KCNQ4: variants seen among roughly 807,000 people sequenced by gnomAD.
KCNQ4 encodes potassium voltage-gated channel subfamily Q member 4, also known as potassium voltage-gated channel subfamily KQT member 4.
A neutral mutation model predicts 72.6 loss-of-function variants in KCNQ4; 31 were observed. The observed-to-expected ratio is 0.43, with a 90% CI of 0.32 to 0.58. KCNQ4 has a LOEUF of 0.58. Among genes scored for constraint, KCNQ4 ranks in the 20% least tolerant of loss-of-function variants. The probability of loss-of-function intolerance (pLI) is 0.08; values close to 1 mark genes in which losing one functional copy is unlikely to be tolerated. For missense variants in KCNQ4, 869 were observed against 962.6 expected (o/e 0.90, Z 1.29); for synonymous variants, 405 against 403.7 (o/e 1.00, Z -0.04).
In KCNQ4 at chr1:40,822,391, C is replaced by T. The variant is rs772355951; in HGVS notation, c.1119C>T (p.Leu373=). ...CCTGGTACTACTATGACAGTATCCT[C>T]CCATCCTTCAGGTAGGTCCTGCTGG... The part of the protein sequence containing the change: ...TATWYYYDSI[L]PSFRELALLF... The change falls in exon 8 of 14, where the codon CTC becomes CTT. Residue 373 remains leucine, a synonymous_variant. Coordinates refer to ENST00000347132, the MANE Select transcript of KCNQ4 (RefSeq NM_004700.4). 1 of 1,604,474 alleles carries T rather than the reference C, an allele frequency of 6.2e-7. No individual in the cohort carries two copies. The highest frequency in any genetic ancestry group is 1.1e-5 in the South Asian group (1 of 90,800).
At chr1:40,806,817 A>G (rs1266600181) in intron 1 of KCNQ4, among the ~76,000 whole-genome samples, 1 of 152,184 alleles carries the variant, frequency 6.6e-6, no homozygotes, top group Non-Finnish European at 1.5e-5. Context: ...ACCTCTGCCA[A>G]CTTTCCTCTG....
intron 4 of KCNQ4, 101 bp downstream of exon 4, chr1:40,818,781 CT>C (rs1361447012): frequency 3.4e-5 from 45 of 1,343,182 alleles, no homozygotes; most frequent in Non-Finnish European, 4.5e-5. Context: ...TGTCTCCGTG[CT>C]GGGAAGGGGT....
intron 1 of KCNQ4, among the ~76,000 whole-genome samples, chr1:40,793,590 T>G (rs1383003059): frequency 1.3e-5 from 2 of 152,168 alleles, no homozygotes; most frequent in Non-Finnish European, 2.9e-5. Context: ...CCTCCAAACC[T>G]GCCCTCCTTC....
chr1:40,804,495 A>G (rs1178728564), intron 1 of KCNQ4, among the ~76,000 whole-genome samples: 1 of 152,138 alleles, frequency 6.6e-6, no homozygotes, highest in Non-Finnish European at 1.5e-5. Flanking sequence ...ATCTGGTCAT[A>G]TCTTGCCACT....
intron 9 of KCNQ4, among the ~76,000 whole-genome samples, chr1:40,828,873 T>G (rs1364759815): frequency 6.6e-6 from 1 of 152,236 alleles, no homozygotes; most frequent in African/African-American, 2.4e-5. Context: ...AAACAGTGCC[T>G]TCTTGCATTA....
chr1:40,831,819 T>C (rs1648659059), intron 10 of KCNQ4, among the ~76,000 whole-genome samples: 1 of 152,226 alleles, frequency 6.6e-6, no homozygotes, highest in Non-Finnish European at 1.5e-5. Flanking sequence ...GACTATGCAC[T>C]GCCCAGCACT....
intron 7 of KCNQ4, among the ~76,000 whole-genome samples, chr1:40,820,509 A>C (rs1273618814): frequency 6.6e-6 from 1 of 151,916 alleles, no homozygotes; most frequent in Non-Finnish European, 1.5e-5. Flanking sequence ...CTATTGCCCA[A>C]CTCCAGCCCA....
chr1:40,835,000 C>T lies in KCNQ4; in HGVS notation c.1647C>T (p.Phe549=), dbSNP rs1362729181. Reference sequence around the variant, plus strand: ...AGTTCCTGGTGGCCAAAAGGAAATTCAAGGAGACACTGCGACCGTACGACG... The same window carrying T: ...AGTTCCTGGTGGCCAAAAGGAAATTTAAGGAGACACTGCGACCGTACGACG... ...ILKFLVAKRK[F]KETLRPYDVK... The change falls in exon 12 of 14, where the codon TTC becomes TTT. Residue 549 remains phenylalanine, a synonymous_variant. Coordinates refer to ENST00000347132, the MANE Select transcript of KCNQ4 (RefSeq NM_004700.4). The T allele has an allele frequency of 4.3e-6, 7 of 1,614,024 alleles. No homozygotes were observed. In the South Asian group the frequency reaches 7.7e-5, roughly 18 times the overall value.
chr1:40,799,427 G>A (rs143948851), intron 1 of KCNQ4, among the ~76,000 whole-genome samples: 60 of 130,726 alleles, frequency 4.6e-4, no homozygotes, highest in African/African-American at 1.7e-3. Context: ...AAATGTGTGG[G>A]CCATGCCCCC....
At chr1:40,814,198 C>G (rs1434608103) in intron 1 of KCNQ4, among the ~76,000 whole-genome samples, 1 of 151,602 alleles carries the variant, frequency 6.6e-6, no homozygotes, top group African/African-American at 2.4e-5. Flanking sequence ...GGATTACAGG[C>G]GCCTACCAAC....
intron 4 of KCNQ4, chr1:40,819,002 G>A (rs1179538152): frequency 1.8e-6 from 1 of 570,116 alleles, no homozygotes; most frequent in African/African-American, 1.9e-5. Flanking sequence ...TGGGACTTGA[G>A]GGTGGGGCTG....
At chr1:40,787,677 G>A (rs1429860508) in intron 1 of KCNQ4, among the ~76,000 whole-genome samples, 1 of 150,010 alleles carries the variant, frequency 6.7e-6, no homozygotes, top group South Asian at 2.1e-4. Context: ...TGGACCCTCA[G>A]TCTGATCACC....
chr1:40,799,081 G>A (rs1242405010), intron 1 of KCNQ4, among the ~76,000 whole-genome samples: 2 of 152,276 alleles, frequency 1.3e-5, no homozygotes, highest in East Asian at 3.8e-4. Flanking sequence ...CGTGGGAGAG[G>A]TTTGTCCTTG....
chr1:40,819,213 G>A (rs1648202200), intron 4 of KCNQ4, 134 bp from the exon 5 acceptor site: 1 of 1,069,140 alleles, frequency 9.4e-7, no homozygotes, highest in Non-Finnish European at 1.4e-6. Flanking sequence ...GCCGTGATGG[G>A]AGGAGCTGAG....
At chr1:40,826,289 AG>A (rs1188416355) in intron 9 of KCNQ4, among the ~76,000 whole-genome samples, 2 of 152,184 alleles carry the variant, frequency 1.3e-5, no homozygotes, top group East Asian at 3.9e-4. Context: ...TCTCCTCTTC[AG>A]GGTTTTGCAA....
intron 9 of KCNQ4, among the ~76,000 whole-genome samples, chr1:40,828,147 G>A (rs1300970047): frequency 6.6e-6 from 1 of 152,160 alleles, no homozygotes; most frequent in East Asian, 1.9e-4. Context: ...AGTGAGAGTG[G>A]CCCTGGGAGG....
rs142935131 is a variant in KCNQ4 at position 40,820,664 on chromosome 1, TCA to T, written c.1041+409_1041+410del. On this transcript the variant is annotated intron_variant, in intron 7 of 13. Transcript: ENST00000347132. ...ATTCATTCATTCATTCCACAAGCAC[TCA>T]CACAAATGAAGAGAGGATGGTGCAG... Among the ~76,000 whole-genome samples the T allele has an allele frequency of 1.6e-3, 242 of 152,244 alleles. 10 individuals carry two copies. The East Asian group carries it at 0.039, about 25-fold the overall frequency.
At position 40,818,299 on chromosome 1, in the gene KCNQ4, G is replaced by A; in HGVS notation, c.532+9G>A. The A allele has an allele frequency of 6.2e-7, 1 of 1,613,512 alleles. No homozygotes were observed. The stretch of plus-strand genomic sequence containing the variant: ...GCCCTTCTGTGTCATCGGTAATGAG[G>A]CGCGCCCCGCCCGACCTGACCCCTG... On this transcript the variant is annotated intron_variant, in intron 3 of 13. Transcript: ENST00000347132.
chr1:40,795,044 G>A (rs533153961), intron 1 of KCNQ4, among the ~76,000 whole-genome samples: 38 of 152,296 alleles, frequency 2.5e-4, no homozygotes, highest in African/African-American at 9.1e-4. Context: ...TGGACCGGGA[G>A]GCAGCAGGCT....
Sources: gnomAD v4.1 joint callset for allele counts (sites outside exome capture counted in the v4.1 genomes callset) on GRCh38, gnomAD v4.1.1 for gene constraint, MANE v1.5 for transcripts, NCBI Gene and HGNC (gene_info 2026-07-23, HGNC 2026-07-21) for gene names.